CHRNA7: variants seen among roughly 807,000 people sequenced by gnomAD.
CHRNA7 encodes neuronal acetylcholine receptor subunit alpha-7.
CHRNA7 carries 17 observed loss-of-function variants against 48.0 expected under a neutral mutation model. That is an observed-to-expected ratio of 0.35 (90% CI 0.24 to 0.53). CHRNA7 has a LOEUF of 0.53. Ranked by LOEUF, CHRNA7 falls within the 20% of genes least tolerant of loss-of-function variation. The pLI is 0.92. For synonymous variants in CHRNA7, 75 were observed against 242.3 expected, an observed-to-expected ratio of 0.31 and a Z score of 6.41; for missense variants, 155 against 577.7, an observed-to-expected ratio of 0.27 and a Z score of 7.50.
At chr15:32,046,683 A>G (rs972264649) in intron 2 of CHRNA7, among the ~76,000 whole-genome samples, 3 of 138,504 alleles carry the variant, frequency 2.2e-5, no homozygotes, top group African/African-American at 9.0e-5. Context: ...ATTAGATTCC[A>G]TTTGTCAATT....
intron 2 of CHRNA7, among the ~76,000 whole-genome samples, chr15:32,048,537 G>A (rs1017756347): frequency 4.6e-5 from 7 of 152,048 alleles, no homozygotes; most frequent in Admixed American, 6.5e-5. Flanking sequence ...ATTTTTTATT[G>A]CGTCTATTTG....
intron 5 of CHRNA7, 73 bp from the exon 6 acceptor site, chr15:32,157,535 A>G: frequency 1.4e-6 from 1 of 698,606 alleles, no homozygotes; most frequent in East Asian, 2.6e-5. Flanking sequence ...AACCGGCTGA[A>G]GGAACTGCTG....
chr15:32,030,505 G>C (rs1031070992), upstream of CHRNA7: 31 of 1,275,084 alleles, frequency 2.4e-5, no homozygotes, highest in Non-Finnish European at 2.9e-5. Flanking sequence ...CGCGAGCCGA[G>C]CGGCGAGGTG....
intron 4 of CHRNA7, among the ~76,000 whole-genome samples, chr15:32,151,520 A>G (rs903346226): frequency 6.6e-6 from 1 of 151,374 alleles, no homozygotes; most frequent in Non-Finnish European, 1.5e-5. Flanking sequence ...GTTATTTCTT[A>G]ATTTTTTCCC....
intron 4 of CHRNA7, among the ~76,000 whole-genome samples, chr15:32,130,547 A>T (rs896531384): frequency 3.3e-5 from 5 of 149,672 alleles, no homozygotes; most frequent in Admixed American, 6.7e-5. Context: ...TATATATATT[A>T]TATATATATA....
At chr15:32,069,824 AG>A (rs2050025173) in intron 2 of CHRNA7, among the ~76,000 whole-genome samples, 2 of 152,172 alleles carry the variant, frequency 1.3e-5, no homozygotes, top group African/African-American at 4.8e-5. Flanking sequence ...TTTAAAACAA[AG>A]CTTCCTGAAT....
At chr15:32,127,082 A>G (rs2051079410) in intron 4 of CHRNA7, among the ~76,000 whole-genome samples, 1 of 152,218 alleles carries the variant, frequency 6.6e-6, no homozygotes, top group Non-Finnish European at 1.5e-5. Context: ...ACTGGCAAAC[A>G]CTAATCCATC....
chr15:32,074,797 G>A (rs1021236046), intron 2 of CHRNA7, among the ~76,000 whole-genome samples: 8 of 151,770 alleles, frequency 5.3e-5, no homozygotes, highest in African/African-American at 1.7e-4. Flanking sequence ...ACAGGCATCC[G>A]CCACCACGCC....
intron 4 of CHRNA7, among the ~76,000 whole-genome samples, chr15:32,130,038 T>G (rs902509287): frequency 3.9e-5 from 6 of 152,068 alleles, no homozygotes; most frequent in Admixed American, 2.0e-4. Flanking sequence ...TCATGTCTAG[T>G]TTGATTCCAT....
chr15:32,045,575 C>T (rs1241263780), intron 2 of CHRNA7, among the ~76,000 whole-genome samples: 1 of 151,118 alleles, frequency 6.6e-6, no homozygotes, highest in Non-Finnish European at 1.5e-5. Context: ...CTCACTTTGT[C>T]ACCCAGGCTG....
intron 2 of CHRNA7, among the ~76,000 whole-genome samples, chr15:32,090,147 G>A (rs893401479): frequency 1.3e-5 from 2 of 151,238 alleles, no homozygotes; most frequent in African/African-American, 4.9e-5. Flanking sequence ...TATAGCAGTG[G>A]TATAGCTTTT....
At chr15:32,093,408 G>A (rs2050414233) in intron 2 of CHRNA7, among the ~76,000 whole-genome samples, 1 of 152,176 alleles carries the variant, frequency 6.6e-6, no homozygotes, top group Non-Finnish European at 1.5e-5. Flanking sequence ...CTCCCTCCCT[G>A]AGAAGGATGG....
At chr15:32,114,889 C>T (rs1055008488) in intron 4 of CHRNA7, among the ~76,000 whole-genome samples, 4 of 152,226 alleles carry the variant, frequency 2.6e-5, no homozygotes, top group African/African-American at 9.6e-5. Context: ...CTGAGGGGTA[C>T]ACTTCCACAG....
At chr15:32,065,365 G>A (rs1019524493) in intron 2 of CHRNA7, among the ~76,000 whole-genome samples, 5 of 152,190 alleles carry the variant, frequency 3.3e-5, no homozygotes, top group Non-Finnish European at 7.3e-5. Flanking sequence ...TGGTGGTTCA[G>A]TAGAAGACCC....
chr15:32,120,291 CAG>C (rs1305886729), intron 4 of CHRNA7, among the ~76,000 whole-genome samples: 1 of 152,118 alleles, frequency 6.6e-6, no homozygotes, highest in Non-Finnish European at 1.5e-5. Context: ...AGTTAAAAAG[CAG>C]AGAGATCCCC....
intron 4 of CHRNA7, among the ~76,000 whole-genome samples, chr15:32,147,814 C>T (rs1367577605): frequency 6.6e-6 from 1 of 152,188 alleles, no homozygotes; most frequent in African/African-American, 2.4e-5. Flanking sequence ...AGATTTATGA[C>T]AGGGTGTGTC....
intron 2 of CHRNA7, among the ~76,000 whole-genome samples, chr15:32,070,331 G>A (rs1256407128): frequency 6.6e-6 from 1 of 151,824 alleles, no homozygotes; most frequent in African/African-American, 2.4e-5. Flanking sequence ...CTATTTAATT[G>A]GATTTTTTAA....
chr15:32,114,908 GTC>G lies in CHRNA7; in HGVS notation c.350+3011_350+3012del, dbSNP rs374468365. ...GGGGTACACTTCCACAGCGGGGCAG[GTC>G]TGGGCTGAGCTGGTGGGGACGCCGG... On this transcript the variant is annotated intron_variant, in intron 4 of 9. Transcript: ENST00000306901. 5.5e-4 allele frequency among the ~76,000 whole-genome samples: 84 copies of G among 152,356 alleles called. 1 individual carries two copies. The East Asian group carries it at 0.015, about 28-fold the overall frequency.
At chr15:32,103,912 C>T (rs1343710242) in intron 3 of CHRNA7, among the ~76,000 whole-genome samples, 2 of 152,182 alleles carry the variant, frequency 1.3e-5, no homozygotes, top group African/African-American at 4.8e-5. Flanking sequence ...GCTTGACCTG[C>T]AAAACCGATC....
Sources: allele counts gnomAD v4.1 joint callset (sites outside exome capture counted in the v4.1 genomes callset), GRCh38; gene constraint gnomAD v4.1.1; transcripts MANE v1.5; gene names NCBI Gene and HGNC (gene_info 2026-07-23, HGNC 2026-07-21).